The following CLSTN2 variants were observed in gnomAD, a reference collection of about 807,000 sequenced individuals.
CLSTN2 encodes the protein calsyntenin-2.
CLSTN2 carries 48 observed loss-of-function variants against 101.2 expected under a neutral mutation model. The observed-to-expected ratio is 0.47, with a 90% CI of 0.38 to 0.60. CLSTN2 has a LOEUF of 0.60. Among genes scored for constraint, CLSTN2 ranks in the 20% least tolerant of loss-of-function variants. The pLI is 0.00. For synonymous variants in CLSTN2, 481 were observed against 463.6 expected, an observed-to-expected ratio of 1.04 and a Z score of -0.48; for missense variants, 1,160 against 1,238.2, an observed-to-expected ratio of 0.94 and a Z score of 0.95.
At chr3:140,069,297 T>C (rs755594737) in intron 1 of CLSTN2, among the ~76,000 whole-genome samples, 19 of 152,318 alleles carry the variant, frequency 1.2e-4, no homozygotes, top group Middle Eastern at 3.4e-3. Flanking sequence ...GAAATTATAC[T>C]AAGTGCACCA....
At chr3:140,010,003 C>G (rs1211197220) in intron 1 of CLSTN2, among the ~76,000 whole-genome samples, 1 of 152,172 alleles carries the variant, frequency 6.6e-6, no homozygotes, top group African/African-American at 2.4e-5. Context: ...TCCTGGCCTT[C>G]CCTCAGACTA....
chr3:140,167,978 A>G (rs1287425650), intron 1 of CLSTN2, among the ~76,000 whole-genome samples: 1 of 152,190 alleles, frequency 6.6e-6, no homozygotes, highest in East Asian at 1.9e-4. Flanking sequence ...TTTAGTTACC[A>G]GTTTGGCACT....
intron 1 of CLSTN2, among the ~76,000 whole-genome samples, chr3:140,071,722 C>T (rs1560086161): frequency 6.6e-6 from 1 of 151,574 alleles, no homozygotes; most frequent in South Asian, 2.1e-4. Context: ...TCCCAGCTAC[C>T]CAGGAGGCTG....
intron 1 of CLSTN2, among the ~76,000 whole-genome samples, chr3:140,121,482 C>T (rs1473493218): frequency 1.3e-5 from 2 of 152,180 alleles, no homozygotes; most frequent in Non-Finnish European, 1.5e-5. Flanking sequence ...AGTTCCAACA[C>T]ATAGTAGGGA....
intron 4 of CLSTN2, among the ~76,000 whole-genome samples, chr3:140,411,619 A>G (rs1442394915): frequency 1.3e-5 from 2 of 152,272 alleles, no homozygotes; most frequent in Non-Finnish European, 2.9e-5. Flanking sequence ...CAGAATATAC[A>G]GTACACATGG....
intron 2 of CLSTN2, among the ~76,000 whole-genome samples, chr3:140,302,265 T>C (rs1295954971): frequency 6.6e-6 from 1 of 152,136 alleles, no homozygotes; most frequent in Non-Finnish European, 1.5e-5. Context: ...CCAGGTGAGC[T>C]GTCAAAAGGG....
chr3:140,055,276 C>T (rs1046603108), intron 1 of CLSTN2, among the ~76,000 whole-genome samples: 1 of 152,172 alleles, frequency 6.6e-6, no homozygotes, highest in Non-Finnish European at 1.5e-5. Context: ...GAGGGGCCTG[C>T]CTCTCCCTTG....
At chr3:140,078,076 A>G (rs2008522977) in intron 1 of CLSTN2, among the ~76,000 whole-genome samples, 1 of 152,154 alleles carries the variant, frequency 6.6e-6, no homozygotes, top group South Asian at 2.1e-4. Context: ...AGCAGAGGTC[A>G]CCATGTGTGC....
chr3:140,200,029 G>T (rs985637441), intron 2 of CLSTN2, among the ~76,000 whole-genome samples: 13 of 152,026 alleles, frequency 8.6e-5, no homozygotes, highest in African/African-American at 3.1e-4. Context: ...TGGCTCGCTG[G>T]GTACCTCCTA....
In CLSTN2 at chr3:140,546,506, T is replaced by C; in HGVS notation, c.1508-9T>C. 2.5e-6 allele frequency: 4 copies of C among 1,613,028 alleles called. No individual in the cohort carries two copies. Among genetic ancestry groups the C allele is most frequent in the Non-Finnish European group, 3.4e-6 (4 of 1,179,412 alleles). ...TTCACAGGGCAAATGATGGTGTTTG[T>C]TTTTTCAGGAGGAGAAGTCACCAAA... On this transcript the variant is annotated splice_polypyrimidine_tract_variant and intron_variant, in intron 9 of 16. Coordinates refer to ENST00000458420, the MANE Select transcript of CLSTN2 (RefSeq NM_022131.3).
chr3:140,105,231 C>T (rs911744738), intron 1 of CLSTN2, among the ~76,000 whole-genome samples: 3 of 152,176 alleles, frequency 2.0e-5, no homozygotes, highest in Non-Finnish European at 2.9e-5. Context: ...ATTAAAGTTA[C>T]TGACAAAGTG....
At chr3:140,271,926 C>T (rs553553000) in intron 2 of CLSTN2, among the ~76,000 whole-genome samples, 1 of 152,220 alleles carries the variant, frequency 6.6e-6, no homozygotes. Context: ...CACTGAGCTT[C>T]TATGATAGAA....
At chr3:140,230,312 G>T (rs1423136135) in intron 2 of CLSTN2, among the ~76,000 whole-genome samples, 2 of 152,140 alleles carry the variant, frequency 1.3e-5, no homozygotes. Flanking sequence ...AAGAGCAAAG[G>T]CATATGTCAA....
intron 8 of CLSTN2, chr3:140,507,396 C>T (rs1364246455): frequency 6.6e-6 from 1 of 152,218 alleles, no homozygotes; most frequent in Non-Finnish European, 1.5e-5. Context: ...ACAGCCTCAA[C>T]ATGGAACTGT....
rs184860387 is a variant in CLSTN2 at position 140,484,292 on chromosome 3, C to T, written c.1344+17561C>T. ...TCTTTAAGAATGTCGAATATTGGCC[C>T]CCACTCTCTTCTGGCTTGTAGAGTT... is the stretch of plus-strand genomic sequence containing the variant. On this transcript the variant is annotated intron_variant, in intron 8 of 16. Transcript: ENST00000458420. Among the ~76,000 whole-genome samples, 151 of 152,274 alleles carry T rather than the reference C, an allele frequency of 9.9e-4. 1 individual carries two copies. Among genetic ancestry groups the T allele is most frequent in the Admixed American group, 2.0e-3 (31 of 15,294 alleles).
At chr3:140,431,402 C>A (rs970467362) in intron 5 of CLSTN2, among the ~76,000 whole-genome samples, 2 of 152,148 alleles carry the variant, frequency 1.3e-5, no homozygotes, top group Non-Finnish European at 2.9e-5. Context: ...TACACCAGGG[C>A]AGGAAGACTC....
At chr3:139,992,313 C>CA (rs2107828694) in intron 1 of CLSTN2, among the ~76,000 whole-genome samples, 1 of 152,256 alleles carries the variant, frequency 6.6e-6, no homozygotes, top group East Asian at 1.9e-4. Flanking sequence ...AAAATATAGT[C>CA]ATGCCAGAAT....
chr3:140,068,738 CA>C (rs542735888), intron 1 of CLSTN2, among the ~76,000 whole-genome samples: 4 of 152,128 alleles, frequency 2.6e-5, no homozygotes. Context: ...ATAAGAAGAC[CA>C]ATTTCTGCTT....
At chr3:140,235,300 G>T (rs552128497) in intron 2 of CLSTN2, among the ~76,000 whole-genome samples, 2 of 152,202 alleles carry the variant, frequency 1.3e-5, no homozygotes, top group African/African-American at 4.8e-5. Flanking sequence ...CCAGATGGGG[G>T]CCCTAACAGT....
Sources: gnomAD v4.1 joint callset for allele counts (sites outside exome capture counted in the v4.1 genomes callset) on GRCh38, gnomAD v4.1.1 for gene constraint, MANE v1.5 for transcripts, NCBI Gene and HGNC (gene_info 2026-07-23, HGNC 2026-07-21) for gene names.